LSAMP: variants seen among roughly 807,000 people sequenced by gnomAD.
The protein encoded by LSAMP is limbic system associated membrane protein.
A neutral mutation model predicts 38.6 loss-of-function variants in LSAMP; 7 were observed. The ratio of observed to expected loss-of-function variants is 0.18; its 90% CI spans 0.10 to 0.34. LSAMP has a LOEUF of 0.34. Among genes scored for constraint, LSAMP ranks in the 10% least tolerant of loss-of-function variants. The pLI is 1.00. For missense variants in LSAMP, 313 were observed against 420.0 expected (o/e 0.75, Z 2.23); for synonymous variants, 154 against 166.8 (o/e 0.92, Z 0.59).
At chr3:115,966,258 T>A (rs1938810917) in intron 3 of LSAMP, among the ~76,000 whole-genome samples, 1 of 152,212 alleles carries the variant, frequency 6.6e-6, no homozygotes, top group South Asian at 2.1e-4. Flanking sequence ...GAATGAAAAT[T>A]GTTCATACAA....
At chr3:116,039,681 A>G (rs1941124464) in intron 2 of LSAMP, among the ~76,000 whole-genome samples, 1 of 152,206 alleles carries the variant, frequency 6.6e-6, no homozygotes, top group Admixed American at 6.5e-5. Flanking sequence ...AAATGCCTAC[A>G]CAGAAGCCTC....
intron 1 of LSAMP, among the ~76,000 whole-genome samples, chr3:116,321,972 T>C (rs1461544730): frequency 6.6e-6 from 1 of 152,136 alleles, no homozygotes; most frequent in East Asian, 1.9e-4. Context: ...CACTAGAAAA[T>C]AATTTGAGGA....
chr3:116,085,310 A>T (rs1707964479), intron 2 of LSAMP, among the ~76,000 whole-genome samples: 1 of 152,210 alleles, frequency 6.6e-6, no homozygotes, highest in Non-Finnish European at 1.5e-5. Flanking sequence ...TTCCAGTTTC[A>T]ATCTATTAAT....
chr3:116,357,192 C>T (rs565649150), intron 1 of LSAMP, among the ~76,000 whole-genome samples: 2 of 152,194 alleles, frequency 1.3e-5, no homozygotes, highest in East Asian at 1.9e-4. Flanking sequence ...TTACCAGGTA[C>T]GACTACCCCA....
chr3:116,084,471 A>C (rs9882032), intron 2 of LSAMP, among the ~76,000 whole-genome samples: 16,568 of 145,726 alleles, frequency 0.11, 3,030 homozygotes, highest in African/African-American at 0.39. Flanking sequence ...AAAAAAAAAA[A>C]CCAAAAAAAA....
rs913483489 is a variant in LSAMP, at chr3:116,221,662, T to G, written c.156-135106A>C. Among the ~76,000 whole-genome samples, 23 of 152,200 alleles carry G rather than the reference T, an allele frequency of 1.5e-4. 1 individual carries two copies. Among genetic ancestry groups the G allele is most frequent in the African/African-American group, 5.1e-4 (21 of 41,442 alleles). ...TGAACACAGATTCTTACACATACCA[T>G]TGATATATGCAATATATTCTGGCAG... On this transcript the variant is annotated intron_variant, in intron 1 of 6. Transcript: ENST00000490035.
chr3:116,071,049 TAAATAATAAATAAATAAATA>T (rs1707590362), intron 2 of LSAMP, among the ~76,000 whole-genome samples: 2 of 137,334 alleles, frequency 1.5e-5, no homozygotes, highest in African/African-American at 2.7e-5. Flanking sequence ...TCAAAATAAA[TAAATAATAAATAAATAAATA>T]AATAAATAAA....
intron 3 of LSAMP, among the ~76,000 whole-genome samples, chr3:115,907,470 A>C (rs1937036320): frequency 6.6e-6 from 1 of 152,046 alleles, no homozygotes; most frequent in Non-Finnish European, 1.5e-5. Flanking sequence ...ATCCACTGGC[A>C]CTTTCATCTT....
intron 2 of LSAMP, among the ~76,000 whole-genome samples, chr3:116,053,569 G>A (rs576121676): frequency 2.9e-4 from 44 of 152,274 alleles, no homozygotes; most frequent in African/African-American, 9.9e-4. Context: ...GGGTGAAGAG[G>A]AAATTGTAGG....
intron 1 of LSAMP, among the ~76,000 whole-genome samples, chr3:116,342,870 T>C (rs1440407730): frequency 1.3e-5 from 2 of 152,114 alleles, no homozygotes; most frequent in Non-Finnish European, 2.9e-5. Context: ...TCTAACTTTC[T>C]ATGACTCTAT....
chr3:116,087,563 C>T (rs1708019843), intron 1 of LSAMP, among the ~76,000 whole-genome samples: 1 of 152,202 alleles, frequency 6.6e-6, no homozygotes, highest in Non-Finnish European at 1.5e-5. Flanking sequence ...ACCCTGTTCA[C>T]AGCTGCAAAG....
At chr3:115,912,775 C>A (rs756733294) in intron 3 of LSAMP, among the ~76,000 whole-genome samples, 2 of 152,100 alleles carry the variant, frequency 1.3e-5, no homozygotes, top group African/African-American at 4.8e-5. Flanking sequence ...CTTTAGAAGG[C>A]AGGCTTTTGT....
chr3:115,901,478 C>T (rs1179927002), intron 3 of LSAMP, among the ~76,000 whole-genome samples: 1 of 152,072 alleles, frequency 6.6e-6, no homozygotes, highest in Non-Finnish European at 1.5e-5. Context: ...ACCTGGATGA[C>T]ACACTAGCAT....
chr3:116,195,398 T>C (rs1013502435), intron 1 of LSAMP, among the ~76,000 whole-genome samples: 1 of 152,244 alleles, frequency 6.6e-6, no homozygotes, highest in Non-Finnish European at 1.5e-5. Context: ...GCAATTTTAA[T>C]ATTTCTGATT....
intron 1 of LSAMP, among the ~76,000 whole-genome samples, chr3:116,150,801 T>A (rs1278702929): frequency 6.6e-6 from 1 of 151,958 alleles, no homozygotes; most frequent in Non-Finnish European, 1.5e-5. Flanking sequence ...AAATACAAAA[T>A]TATGAGGATG....
At chr3:116,340,840 G>A (rs564339289) in intron 1 of LSAMP, among the ~76,000 whole-genome samples, 17 of 151,998 alleles carry the variant, frequency 1.1e-4, no homozygotes, top group South Asian at 4.1e-4. Context: ...CTACTTCTCC[G>A]TGTCTAGACT....
At chr3:115,849,589 T>C (rs1278456104) in intron 4 of LSAMP, among the ~76,000 whole-genome samples, 1 of 152,164 alleles carries the variant, frequency 6.6e-6, no homozygotes, top group Non-Finnish European at 1.5e-5. Context: ...AGCCTGTGTT[T>C]TGAAAAGGAA....
intron 1 of LSAMP, among the ~76,000 whole-genome samples, chr3:116,316,939 T>C (rs939700566): frequency 1.3e-5 from 2 of 152,144 alleles, no homozygotes; most frequent in Non-Finnish European, 2.9e-5. Flanking sequence ...TGGATGATTT[T>C]CAACAGTACT....
At chr3:115,944,640 T>G (rs1938035896) in intron 3 of LSAMP, among the ~76,000 whole-genome samples, 1 of 152,184 alleles carries the variant, frequency 6.6e-6, no homozygotes, top group Non-Finnish European at 1.5e-5. Flanking sequence ...TTTTATAAAT[T>G]ATCTTAGTTA....
Sources: allele counts gnomAD v4.1 joint callset (sites outside exome capture counted in the v4.1 genomes callset), GRCh38; gene constraint gnomAD v4.1.1; transcripts MANE v1.5; gene names NCBI Gene and HGNC (gene_info 2026-07-23, HGNC 2026-07-21).